Variants in ANKRD28 observed in about 807,000 individuals in gnomAD.
ANKRD28 encodes the protein serine/threonine-protein phosphatase 6 regulatory ankyrin repeat subunit A.
In ANKRD28, 44 loss-of-function variants were observed where a neutral mutation model predicts 126.5. The ratio of observed to expected loss-of-function variants is 0.35; its 90% CI spans 0.27 to 0.45. The LOEUF is 0.45. Among genes scored for constraint, ANKRD28 ranks in the 20% least tolerant of loss-of-function variants. The pLI is 1.00. For missense variants in ANKRD28, 1,110 were observed against 1,316.6 expected (o/e 0.84, Z 2.43); for synonymous variants, 442 against 468.5 (o/e 0.94, Z 0.73).
chr3:15,777,266 C>T (rs1414303314), intron 2 of ANKRD28, among the ~76,000 whole-genome samples: 3 of 99,996 alleles, frequency 3.0e-5, no homozygotes, highest in South Asian at 3.9e-4. Context: ...AGCGAGACTC[C>T]GTCTCAAAAA....
intron 14 of ANKRD28, 140 bp from the exon 15 acceptor site, chr3:15,696,385 A>G (rs2069558756): frequency 3.7e-6 from 2 of 546,496 alleles, no homozygotes; most frequent in African/African-American, 3.8e-5. Flanking sequence ...CACTATAAAA[A>G]TGTCATTTAA....
At chr3:15,762,515 T>C (rs1322494375) in intron 3 of ANKRD28, among the ~76,000 whole-genome samples, 8 of 152,200 alleles carry the variant, frequency 5.3e-5, no homozygotes, top group Non-Finnish European at 1.2e-4. Flanking sequence ...CCAGAGTATA[T>C]AGAGTCTATT....
At chr3:15,704,920 C>G (rs563591393) in intron 14 of ANKRD28, among the ~76,000 whole-genome samples, 1 of 152,274 alleles carries the variant, frequency 6.6e-6, no homozygotes, top group East Asian at 1.9e-4. Flanking sequence ...GAAACAGAGG[C>G]TCCCATTAAC....
At chr3:15,821,127 T>C (rs111805031) in intron 1 of ANKRD28, among the ~76,000 whole-genome samples, 3 of 152,298 alleles carry the variant, frequency 2.0e-5, no homozygotes, top group African/African-American at 7.2e-5. Flanking sequence ...CCCTAAATTG[T>C]GATGACCAGA....
chr3:15,841,663 C>A (rs1019020020), intron 1 of ANKRD28, among the ~76,000 whole-genome samples: 2 of 152,024 alleles, frequency 1.3e-5, no homozygotes, highest in African/African-American at 4.8e-5. Flanking sequence ...ATGTAAATGG[C>A]AAACAGGTAC....
intron 18 of ANKRD28, 154 bp downstream of exon 18, chr3:15,689,865 A>C (rs2068586172): frequency 1.5e-6 from 1 of 654,696 alleles, no homozygotes; most frequent in South Asian, 2.2e-5. Flanking sequence ...TGTGTGAATA[A>C]AGTTATTTGG....
intron 8 of ANKRD28, 107 bp from the exon 9 acceptor site, chr3:15,714,763 A>T: frequency 1.3e-6 from 1 of 761,190 alleles, no homozygotes; most frequent in Non-Finnish European, 1.9e-6. Context: ...ACTATTTTAC[A>T]TGAATTAAGT....
At chr3:15,731,883 G>C (rs918860825) in intron 6 of ANKRD28, 1 of 134,914 alleles carries the variant, frequency 7.4e-6, no homozygotes, top group South Asian at 2.5e-4. Context: ...AAGGGGGGGG[G>C]GGTGTGTGGG....
chr3:15,694,672 C>T (rs2069276907), intron 17 of ANKRD28, 67 bp downstream of exon 17: 1 of 1,406,934 alleles, frequency 7.1e-7, no homozygotes. Flanking sequence ...TGAGTCAACA[C>T]AAATAGGTTA....
intron 4 of ANKRD28, among the ~76,000 whole-genome samples, chr3:15,739,241 T>A (rs914942954): frequency 6.6e-6 from 1 of 152,196 alleles, no homozygotes; most frequent in Non-Finnish European, 1.5e-5. Flanking sequence ...ATCACAAGAA[T>A]AATGACTGGG....
At chr3:15,762,230 AAAC>A (rs2058523858) in intron 3 of ANKRD28, among the ~76,000 whole-genome samples, 1 of 133,704 alleles carries the variant, frequency 7.5e-6, no homozygotes, top group African/African-American at 2.6e-5. Context: ...AAAAAAAAAA[AAAC>A]TCTCCTGGTT....
chr3:15,720,637 T>C (rs146895718), intron 8 of ANKRD28, among the ~76,000 whole-genome samples: 340 of 152,278 alleles, frequency 2.2e-3, no homozygotes, highest in African/African-American at 7.9e-3. Flanking sequence ...CCTTTCCCAG[T>C]TGATCCCTCC....
In ANKRD28 at chr3:15,854,300, A is replaced by G. The variant is rs1277914048; in HGVS notation, c.27+5077T>C. Among the ~76,000 whole-genome samples the G allele has an allele frequency of 1.2e-4, 18 of 152,194 alleles. No homozygotes were observed. The highest frequency in any genetic ancestry group is 1.3e-4 in the Non-Finnish European group (9 of 68,042). On this transcript the variant is annotated intron_variant, in intron 1 of 27. Transcript: ENST00000399451. This position sits in a 1 kb window ranked among gnomAD's most constrained non-coding sequence, Gnocchi z 4.1. Reference sequence around the variant, plus strand: ...CCAACTACACACTCCAATCAAGACTATCTCCTGATTATCCCATCCATCCTT... The same window carrying G: ...CCAACTACACACTCCAATCAAGACTGTCTCCTGATTATCCCATCCATCCTT...
rs2060335981 is a variant in ANKRD28, at chr3:15,797,588, T to C, written c.-1067A>G. The C allele has an allele frequency of 4.1e-6, 4 of 985,086 alleles. No individual in the cohort carries two copies. In the South Asian group the frequency reaches 1.4e-4, roughly 35 times the overall value. The allele number at this position is 985,086 out of a possible 1,614,324, so 61.0% of individuals were successfully genotyped here. A position where few individuals can be genotyped will look rare whatever the true frequency, so the allele number is the denominator to read the frequency against. On this transcript the variant is annotated 5_prime_UTR_variant, in exon 1 of 28. Coordinates refer to ENST00000683139, the MANE Select transcript of ANKRD28 (RefSeq NM_001349278.2). The stretch of plus-strand genomic sequence containing the variant: ...AAAAAAAGGGGGGGGAAAAACATAG[T>C]AGTGTATCATTCCAGTGTTTCCTTT...
intron 1 of ANKRD28, among the ~76,000 whole-genome samples, chr3:15,806,617 G>A (rs1275846443): frequency 6.6e-6 from 1 of 152,046 alleles, no homozygotes; most frequent in African/African-American, 2.4e-5. Context: ...CACCTCCTGG[G>A]TTCAAGTGAT....
At chr3:15,794,194 T>C (rs2060168254) in intron 2 of ANKRD28, among the ~76,000 whole-genome samples, 1 of 152,138 alleles carries the variant, frequency 6.6e-6, no homozygotes, top group African/African-American at 2.4e-5. Flanking sequence ...TAGCATTCTG[T>C]TCATTACCCA....
At chr3:15,848,414 C>A (rs760191831) in intron 1 of ANKRD28, among the ~76,000 whole-genome samples, 14 of 152,164 alleles carry the variant, frequency 9.2e-5, no homozygotes, top group Non-Finnish European at 1.9e-4. Flanking sequence ...GTGGCTCACA[C>A]CTGTAATCCC....
intron 1 of ANKRD28, among the ~76,000 whole-genome samples, chr3:15,841,853 G>C (rs577161090): frequency 6.6e-6 from 1 of 152,116 alleles, no homozygotes; most frequent in African/African-American, 2.4e-5. Flanking sequence ...ACAACCACTA[G>C]GGAGAACAGT....
At chr3:15,810,943 C>G (rs1334445599) in intron 1 of ANKRD28, among the ~76,000 whole-genome samples, 1 of 152,164 alleles carries the variant, frequency 6.6e-6, no homozygotes, top group Non-Finnish European at 1.5e-5. Context: ...CAAAGGCAAA[C>G]CAAGCCTACT....
Sources: allele counts gnomAD v4.1 joint callset (sites outside exome capture counted in the v4.1 genomes callset), GRCh38; gene constraint gnomAD v4.1.1; non-coding constraint Gnocchi (gnomAD v3.1); transcripts MANE v1.5; gene names NCBI Gene and HGNC (gene_info 2026-07-23, HGNC 2026-07-21).